The following RAB30 variants were observed in gnomAD, a reference collection of about 807,000 sequenced individuals.
RAB30 encodes the protein RAB30, member RAS oncogene family.
In RAB30, 9 loss-of-function variants were observed where a neutral mutation model predicts 25.1. That is an observed-to-expected ratio of 0.36 (90% confidence interval 0.22 to 0.63). The LOEUF (loss-of-function observed/expected upper bound fraction) is 0.63. Ranked by LOEUF, RAB30 falls within the 20% of genes least tolerant of loss-of-function variation. The pLI, the probability that RAB30 is intolerant of heterozygous loss-of-function variation, is 0.69. For missense variants in RAB30, 140 were observed against 243.5 expected (o/e 0.58, Z 2.83); for synonymous variants, 77 against 86.4 (o/e 0.89, Z 0.60).
intron 1 of RAB30, among the ~76,000 whole-genome samples, chr11:83,067,971 T>C (rs941512646): frequency 2.0e-5 from 3 of 151,768 alleles, no homozygotes; most frequent in Admixed American, 6.6e-5. Flanking sequence ...CTACTAAATA[T>C]ATAAAAATTA....
intron 1 of RAB30, among the ~76,000 whole-genome samples, chr11:83,007,159 A>G (rs1414255894): frequency 1.3e-5 from 2 of 152,240 alleles, no homozygotes; most frequent in East Asian, 3.9e-4. Flanking sequence ...GAGCAAACAC[A>G]GGTCCCCTGA....
chr11:83,066,943 T>C (rs910540886), intron 1 of RAB30, among the ~76,000 whole-genome samples: 9 of 152,234 alleles, frequency 5.9e-5, no homozygotes, highest in African/African-American at 1.9e-4. Context: ...TGATATTTCC[T>C]GCTTTTGAAT....
At chr11:83,001,745 G>A (rs1228788814) in intron 1 of RAB30, among the ~76,000 whole-genome samples, 1 of 151,944 alleles carries the variant, frequency 6.6e-6, no homozygotes, top group Non-Finnish European at 1.5e-5. Flanking sequence ...CCTGAATAAG[G>A]GAAACCCATT....
chr11:83,015,976 A>G (rs1017439375), intron 1 of RAB30, among the ~76,000 whole-genome samples: 2 of 152,136 alleles, frequency 1.3e-5, no homozygotes, highest in Non-Finnish European at 2.9e-5. Context: ...TATCTCTACA[A>G]AAAATACAAA....
chr11:82,982,614 A>T (rs1455125814), intron 4 of RAB30, among the ~76,000 whole-genome samples, 199 bp from the exon 5 acceptor site: 2 of 152,236 alleles, frequency 1.3e-5, no homozygotes, highest in Non-Finnish European at 2.9e-5. Flanking sequence ...CTGTAATCCC[A>T]GCACTTTAGG....
At chr11:83,045,697 T>C (rs138105716) in intron 1 of RAB30, among the ~76,000 whole-genome samples, 25 of 152,342 alleles carry the variant, frequency 1.6e-4, no homozygotes, top group African/African-American at 5.8e-4. Context: ...ATGGGTATGG[T>C]AAACCTATTA....
intron 1 of RAB30, among the ~76,000 whole-genome samples, chr11:83,053,661 T>C (rs902699519): frequency 3.9e-5 from 6 of 152,180 alleles, no homozygotes; most frequent in African/African-American, 9.7e-5. Context: ...TTTTTAACCT[T>C]ATAATCTTTC....
intron 3 of RAB30, among the ~76,000 whole-genome samples, chr11:82,992,938 G>A (rs1242697847): frequency 1.3e-5 from 2 of 152,148 alleles, no homozygotes; most frequent in East Asian, 3.9e-4. Context: ...AAGACATGGA[G>A]TCTCGCTATG....
At chr11:83,048,663 A>C (rs1387901432) in intron 1 of RAB30, among the ~76,000 whole-genome samples, 1 of 152,088 alleles carries the variant, frequency 6.6e-6, no homozygotes, top group Non-Finnish European at 1.5e-5. Context: ...AAATCTCTTT[A>C]CTTCCCAACC....
intron 1 of RAB30, among the ~76,000 whole-genome samples, chr11:83,027,438 G>A (rs530670178): frequency 2.6e-5 from 4 of 152,172 alleles, no homozygotes; most frequent in African/African-American, 4.8e-5. Context: ...CCCACCATCC[G>A]AAGAAGAGTG....
chr11:83,023,594 T>A (rs572002413), intron 1 of RAB30, among the ~76,000 whole-genome samples: 1 of 152,286 alleles, frequency 6.6e-6, no homozygotes, highest in Admixed American at 6.5e-5. Context: ...CTGCCTCAGG[T>A]CCTACCCAGC....
chr11:83,035,991 C>T (rs1012547790), intron 1 of RAB30, among the ~76,000 whole-genome samples: 2 of 152,136 alleles, frequency 1.3e-5, no homozygotes, highest in Admixed American at 6.5e-5. Context: ...GGACTGAATA[C>T]TTAATATGTA....
At chr11:83,063,951 AT>A (rs2121521428) in intron 1 of RAB30, among the ~76,000 whole-genome samples, 1 of 152,332 alleles carries the variant, frequency 6.6e-6, no homozygotes, top group African/African-American at 2.4e-5. Flanking sequence ...AACAAGCAGA[AT>A]TACATGTGCT....
intron 3 of RAB30, among the ~76,000 whole-genome samples, chr11:82,993,713 A>T (rs1221623910): frequency 1.3e-5 from 2 of 152,250 alleles, no homozygotes; most frequent in African/African-American, 4.8e-5. Flanking sequence ...TGCTGTTTAG[A>T]GGAGGTAGCA....
At chr11:83,014,694 G>GAAAGAA (rs1449563859) in intron 1 of RAB30, among the ~76,000 whole-genome samples, 21 of 132,768 alleles carry the variant, frequency 1.6e-4, no homozygotes, top group Middle Eastern at 3.6e-3. Context: ...AAGAAAGAAA[G>GAAAGAA]AGAAAGGAAG....
chr11:82,977,856 T>C lies in RAB30; in HGVS notation c.*4309A>G, dbSNP rs1856570804. 1 of 152,182 alleles carries C rather than the reference T, an allele frequency of 6.6e-6. No homozygotes were observed. The highest frequency in any genetic ancestry group is 6.5e-5 in the Admixed American group (1 of 15,286). 9.4% of individuals were successfully genotyped at this position (152,182 alleles called of 1,614,324 possible). A position where few individuals can be genotyped will look rare whatever the true frequency, so the allele number is the denominator to read the frequency against. The stretch of plus-strand genomic sequence containing the variant: ...GGAGATGAAATGCCATCTCCCTTAC[T>C]CTAATGTTGCTATATTAATATGTGT... On this transcript the variant is annotated 3_prime_UTR_variant, in exon 5 of 5. Transcript: ENST00000527633.
intron 1 of RAB30, among the ~76,000 whole-genome samples, chr11:83,036,635 C>T (rs954985256): frequency 1.3e-5 from 2 of 152,188 alleles, no homozygotes; most frequent in African/African-American, 4.8e-5. Context: ...AACTACTGTT[C>T]TCATGAGGAT....
chr11:83,043,311 A>T (rs1858168917), intron 1 of RAB30, among the ~76,000 whole-genome samples: 1 of 152,186 alleles, frequency 6.6e-6, no homozygotes, highest in African/African-American at 2.4e-5. Flanking sequence ...GCCAGCTCCT[A>T]GTCAGTCCAG....
intron 1 of RAB30, among the ~76,000 whole-genome samples, chr11:83,036,162 C>T (rs1857982960): frequency 6.7e-6 from 1 of 150,292 alleles, no homozygotes; most frequent in Non-Finnish European, 1.5e-5. Context: ...AGCTCAGGTT[C>T]AAATTCTTTT....
Sources: allele counts gnomAD v4.1 joint callset (sites outside exome capture counted in the v4.1 genomes callset), GRCh38; gene constraint gnomAD v4.1.1; transcripts MANE v1.5; gene names NCBI Gene and HGNC (gene_info 2026-07-23, HGNC 2026-07-21).